The following CHMP3 variants were observed in gnomAD, a reference collection of about 807,000 sequenced individuals.
The protein encoded by CHMP3 is charged multivesicular body protein 3, also known as 25.1 protein.
In CHMP3, 8 loss-of-function variants were observed where a neutral mutation model predicts 27.4. The ratio of observed to expected loss-of-function variants is 0.29; its 90% CI spans 0.17 to 0.53. The LOEUF (loss-of-function observed/expected upper bound fraction) is 0.53, where lower values mean the gene tolerates loss of function less well. Among genes scored for constraint, CHMP3 ranks in the 20% least tolerant of loss-of-function variants. CHMP3 has a pLI of 0.96. For synonymous variants in CHMP3, 86 were observed against 85.5 expected, an observed-to-expected ratio of 1.01 and a Z score of -0.03; for missense variants, 208 against 271.5, an observed-to-expected ratio of 0.77 and a Z score of 1.64.
intron 2 of CHMP3, among the ~76,000 whole-genome samples, chr2:86,539,899 A>G (rs1201425016): frequency 1.3e-5 from 2 of 152,084 alleles, no homozygotes; most frequent in Non-Finnish European, 2.9e-5. Flanking sequence ...TATTGGCAAC[A>G]AATTCTTTCT....
intron 3 of CHMP3, among the ~76,000 whole-genome samples, chr2:86,521,204 G>T (rs549925248): frequency 6.6e-6 from 1 of 152,054 alleles, no homozygotes; most frequent in Admixed American, 6.5e-5. Context: ...TCTCTTTTTG[G>T]ACTCAGCCCA....
intron 2 of CHMP3, among the ~76,000 whole-genome samples, chr2:86,538,197 T>TA (rs1350528179): frequency 4.6e-5 from 7 of 152,178 alleles, no homozygotes; most frequent in Admixed American, 1.3e-4. Context: ...TGATTCTACT[T>TA]ATATGAGGTA....
At chr2:86,507,672 G>T in intron 4 of CHMP3, 79 bp from the exon 5 acceptor site, 1 of 1,244,394 alleles carries the variant, frequency 8.0e-7, no homozygotes, top group Non-Finnish European at 1.2e-6. Flanking sequence ...CCTAGACCGA[G>T]CTCTAGCCTA....
At chr2:86,525,512 G>A (rs1382831889) in intron 3 of CHMP3, among the ~76,000 whole-genome samples, 2 of 149,242 alleles carry the variant, frequency 1.3e-5, no homozygotes, top group African/African-American at 2.5e-5. Context: ...CAGCCTGGGC[G>A]ACAGTGCGAG....
At position 86,563,414 on chromosome 2, in the gene CHMP3, G is replaced by A; in HGVS notation, c.-66C>T. The A allele has an allele frequency of 6.3e-7, 1 of 1,575,212 alleles. No individual in the cohort carries two copies. Among genetic ancestry groups the A allele is most frequent in the Non-Finnish European group, 8.6e-7 (1 of 1,156,524 alleles). Reference sequence around the variant, plus strand: ...CCCGCGCCCAGGCAGGTCACGGGCAGCCGCCTGGGCGGGGCCCGCGGAAAA... The same window carrying A: ...CCCGCGCCCAGGCAGGTCACGGGCAACCGCCTGGGCGGGGCCCGCGGAAAA... On this transcript the variant is annotated 5_prime_UTR_variant, in exon 1 of 6. Coordinates refer to ENST00000263856, the MANE Select transcript of CHMP3 (RefSeq NM_016079.4).
chr2:86,529,979 C>A (rs895654041), intron 2 of CHMP3, among the ~76,000 whole-genome samples: 1 of 152,054 alleles, frequency 6.6e-6, no homozygotes, highest in African/African-American at 2.4e-5. Context: ...CACCTCCACC[C>A]AGACACCCCG....
rs531675521 is a variant in CHMP3 at position 86,560,473 on chromosome 2, A to G, written c.45+2831T>C. Among the ~76,000 whole-genome samples the G allele has an allele frequency of 7.9e-4, 120 of 151,372 alleles. 3 individuals carry two copies. In the South Asian group the frequency reaches 0.024, roughly 30 times the overall value. On this transcript the variant is annotated intron_variant, in intron 1 of 5. Coordinates refer to ENST00000263856, the MANE Select transcript of CHMP3 (RefSeq NM_016079.4). The stretch of plus-strand genomic sequence containing the variant: ...CTATCACAAGATCAGAAAACCGAAC[A>G]CCGCATGTTCTCACTCATAAGTGGG...
chr2:86,516,146 CAAAAAAA>C (rs35800757), intron 3 of CHMP3, among the ~76,000 whole-genome samples: 2 of 83,686 alleles, frequency 2.4e-5, no homozygotes, highest in Non-Finnish European at 4.2e-5. Context: ...GACTCCATCT[CAAAAAAA>C]AAAAAAAAAA....
In CHMP3 at chr2:86,504,446, A is replaced by C. The variant is rs1212332929; in HGVS notation, c.*1358T>G. ...TTATTTAAAATAATTTTTTAACTAC[A>C]CTCTGAAGATGAAATCAAGAGTAAT... On this transcript the variant is annotated 3_prime_UTR_variant, in exon 6 of 6. Transcript: ENST00000263856. The C allele has an allele frequency of 1.3e-5, 2 of 149,830 alleles. No individual in the cohort carries two copies. The highest frequency in any genetic ancestry group is 2.4e-5 in the African/African-American group (1 of 40,840). The allele number at this position is 149,830 out of a possible 1,614,324, so 9.3% of individuals were successfully genotyped here.
chr2:86,515,752 A>G (rs1675276232), intron 3 of CHMP3, among the ~76,000 whole-genome samples: 1 of 152,252 alleles, frequency 6.6e-6, no homozygotes, highest in Admixed American at 6.5e-5. Flanking sequence ...GTGATTTTAT[A>G]AAGACTCAAG....
chr2:86,553,677 C>T (rs954403524), intron 1 of CHMP3, among the ~76,000 whole-genome samples: 9 of 152,106 alleles, frequency 5.9e-5, no homozygotes, highest in East Asian at 1.9e-4. Flanking sequence ...ACACAAACCT[C>T]GCTGAATCCT....
intron 3 of CHMP3, chr2:86,510,781 C>G: frequency 3.6e-6 from 1 of 275,156 alleles, no homozygotes; most frequent in South Asian, 4.4e-5. Context: ...ACTGTGACAC[C>G]CAGGAAAATC....
At chr2:86,563,239 A>AT in intron 1 of CHMP3, 65 bp downstream of exon 1, 1 of 1,585,002 alleles carries the variant, frequency 6.3e-7, no homozygotes, top group East Asian at 2.3e-5. Context: ...GTGTCCTGTC[A>AT]TTTACCAACT....
chr2:86,512,587 G>A (rs989491915), intron 3 of CHMP3: 7 of 152,040 alleles, frequency 4.6e-5, no homozygotes, highest in African/African-American at 7.2e-5. Flanking sequence ...GAATGAAAAG[G>A]CAAGCCCCAA....
intron 3 of CHMP3, among the ~76,000 whole-genome samples, chr2:86,518,933 T>A (rs1016943263): frequency 3.3e-5 from 5 of 152,226 alleles, no homozygotes; most frequent in African/African-American, 1.2e-4. Context: ...GGAAAAACTT[T>A]TTTTCAGGCT....
At chr2:86,550,758 C>T (rs149008717) in intron 1 of CHMP3, among the ~76,000 whole-genome samples, 13 of 152,220 alleles carry the variant, frequency 8.5e-5, no homozygotes, top group Non-Finnish European at 1.8e-4. Flanking sequence ...AAATGGTTGG[C>T]TGCATCTGTA....
chr2:86,536,748 A>C (rs769643225), intron 2 of CHMP3, among the ~76,000 whole-genome samples: 7 of 152,152 alleles, frequency 4.6e-5, no homozygotes, highest in Admixed American at 2.0e-4. Context: ...CCTATCTTTC[A>C]TCAAATCTAG....
intron 1 of CHMP3, among the ~76,000 whole-genome samples, chr2:86,548,616 CTG>C (rs1325332951): frequency 1.3e-5 from 2 of 152,090 alleles, no homozygotes; most frequent in African/African-American, 4.8e-5. Flanking sequence ...ACCATCTGAT[CTG>C]TCTTTCTTTT....
intron 2 of CHMP3, among the ~76,000 whole-genome samples, chr2:86,538,059 T>C (rs1428604322): frequency 6.6e-6 from 1 of 152,178 alleles, no homozygotes; most frequent in Non-Finnish European, 1.5e-5. Context: ...AAATATGGTA[T>C]ATACAGACAA....
Sources: gnomAD v4.1 joint callset for allele counts (sites outside exome capture counted in the v4.1 genomes callset) on GRCh38, gnomAD v4.1.1 for gene constraint, MANE v1.5 for transcripts, NCBI Gene and HGNC (gene_info 2026-07-23, HGNC 2026-07-21) for gene names.